EML5: variants seen among roughly 807,000 people sequenced by gnomAD.
The protein encoded by EML5 is echinoderm microtubule-associated protein-like 5.
In EML5, 120 loss-of-function variants were observed where a neutral mutation model predicts 250.0. The ratio of observed to expected loss-of-function variants is 0.48; its 90% confidence interval spans 0.41 to 0.56. The LOEUF is 0.56. Ranked by LOEUF, EML5 falls within the 20% of genes least tolerant of loss-of-function variation. The pLI is 0.00. For synonymous variants in EML5, 771 were observed against 806.5 expected (o/e 0.96, Z 0.75); for missense variants, 2,006 against 2,437.6 (o/e 0.82, Z 3.73).
At chr14:88,688,598 T>C (rs2092891003) in intron 17 of EML5, 125 bp from the exon 18 acceptor site, 10 of 945,086 alleles carry the variant, frequency 1.1e-5, no homozygotes, top group Non-Finnish European at 1.6e-5. Context: ...GTAAGGAGAA[T>C]TGAAAACTAC....
chr14:88,648,380 G>T lies in EML5; in HGVS notation c.4020-1425C>A, dbSNP rs139088230. On this transcript the variant is annotated intron_variant, in intron 28 of 43. Coordinates refer to ENST00000554922, the MANE Select transcript of EML5 (RefSeq NM_183387.3). The stretch of plus-strand genomic sequence containing the variant: ...AATTATTATATTTTTTTGAGACAGG[G>T]TCTTGCTCTGTCACCCAAGCTAGAG... Among the ~76,000 whole-genome samples the T allele has an allele frequency of 6.4e-3, 974 of 152,004 alleles. 13 individuals carry two copies. Among genetic ancestry groups the T allele is most frequent in the African/African-American group, 0.022 (925 of 41,468 alleles).
intron 1 of EML5, among the ~76,000 whole-genome samples, chr14:88,770,030 C>G (rs976761801): frequency 6.7e-6 from 1 of 149,586 alleles, no homozygotes; most frequent in African/African-American, 2.5e-5. Flanking sequence ...GTTTTTCAGT[C>G]ATTTAGGTTC....
chr14:88,711,838 G>C (rs1210342115), intron 10 of EML5, among the ~76,000 whole-genome samples: 2 of 151,982 alleles, frequency 1.3e-5, no homozygotes, highest in Non-Finnish European at 2.9e-5. Context: ...CCAGTTACCT[G>C]GGAAGCTGAG....
At chr14:88,625,293 AG>A (rs1374965748) in intron 35 of EML5, 166 bp from the exon 36 acceptor site, 6 of 706,386 alleles carry the variant, frequency 8.5e-6, no homozygotes, top group Non-Finnish European at 1.3e-5. Context: ...CCTGAACGGG[AG>A]GCTTAGCTTT....
intron 30 of EML5, 129 bp from the exon 31 acceptor site, chr14:88,643,151 CTT>C (rs2091163478): frequency 1.1e-6 from 1 of 905,194 alleles, no homozygotes; most frequent in South Asian, 2.4e-5. Context: ...GTTTTACAAA[CTT>C]AATATACAAA....
chr14:88,620,933 TTA>T lies in EML5; in HGVS notation c.5203-9_5203-8del. On this transcript the variant is annotated splice_region_variant and splice_polypyrimidine_tract_variant and intron_variant, in intron 38 of 43. Transcript: ENST00000554922. This position sits in a 1 kb window ranked among gnomAD's most constrained non-coding sequence, Gnocchi z 4.3. ...TCACTTTGTTTAACATCTTCTGCAT[TTA>T]AAAAAAAAAAAAAAAAGAGTCATAG... 3 of 1,429,304 alleles carry T rather than the reference TTA, an allele frequency of 2.1e-6. No homozygotes were observed. The highest frequency in any genetic ancestry group is 1.4e-5 in the South Asian group (1 of 69,792). 88.5% of individuals were successfully genotyped at this position (1,429,304 alleles called of 1,614,324 possible).
intron 14 of EML5, 73 bp downstream of exon 14, chr14:88,702,373 A>T (rs1234380888): frequency 8.7e-7 from 1 of 1,144,386 alleles, no homozygotes; most frequent in African/African-American, 1.6e-5. Flanking sequence ...CATAAAAGAG[A>T]TATGTGATTA....
chr14:88,713,106 C>T lies in EML5; in HGVS notation c.1445-623G>A, dbSNP rs376123912. The stretch of plus-strand genomic sequence containing the variant: ...GCGTCACAACAAATAAAGTACTATG[C>T]AGTGGCTGGGTGCAGTGGCTCACAC... On this transcript the variant is annotated intron_variant, in intron 9 of 43. Coordinates refer to ENST00000554922, the MANE Select transcript of EML5 (RefSeq NM_183387.3). Among the ~76,000 whole-genome samples, 211 of 152,188 alleles carry T rather than the reference C, an allele frequency of 1.4e-3. 1 individual carries two copies. Among genetic ancestry groups the T allele is most frequent in the African/African-American group, 4.9e-3 (204 of 41,548 alleles).
intron 4 of EML5, among the ~76,000 whole-genome samples, chr14:88,743,195 T>C (rs1325581460): frequency 1.3e-5 from 2 of 152,086 alleles, no homozygotes; most frequent in Non-Finnish European, 2.9e-5. Context: ...GAATAAGTTC[T>C]ACTACTCTAT....
intron 34 of EML5, 180 bp from the exon 35 acceptor site, chr14:88,627,226 C>G (rs1328398179): frequency 1.3e-5 from 8 of 616,232 alleles, no homozygotes; most frequent in Non-Finnish European, 2.0e-5. Flanking sequence ...GTCCTTTTCA[C>G]TTATCTTCGC....
rs1016849857 is a variant in EML5 at position 88,615,742 on chromosome 14, T to C, written c.*76A>G. Reference sequence around the variant, plus strand: ...GTCTTGGGTTAGCACCACTTGACCATGCAGGGTTGGGTTTTGGTTTTTCTT... The same window carrying C: ...GTCTTGGGTTAGCACCACTTGACCACGCAGGGTTGGGTTTTGGTTTTTCTT... On this transcript the variant is annotated 3_prime_UTR_variant, in exon 44 of 44. Coordinates refer to ENST00000554922, the MANE Select transcript of EML5 (RefSeq NM_183387.3). 7.0e-7 allele frequency: 1 copy of C among 1,426,190 alleles called. No homozygotes were observed. Among genetic ancestry groups the C allele is most frequent in the East Asian group, 2.4e-5 (1 of 42,538 alleles). 88.3% of individuals were successfully genotyped at this position (1,426,190 alleles called of 1,614,324 possible). A position where few individuals can be genotyped will look rare whatever the true frequency, so the allele number is the denominator to read the frequency against.
intron 29 of EML5, chr14:88,644,856 G>T: frequency 5.8e-6 from 1 of 172,256 alleles, no homozygotes; most frequent in Non-Finnish European, 1.2e-5. Flanking sequence ...GATTACAGGT[G>T]TGTGCCACCA....
chr14:88,644,719 TA>T (rs533726942), intron 29 of EML5: 39 of 457,644 alleles, frequency 8.5e-5, no homozygotes, highest in Non-Finnish European at 1.4e-4. Context: ...CATTTTATTT[TA>T]TTTTTTTTGA....
chr14:88,705,123 C>T, intron 12 of EML5, 145 bp from the exon 13 acceptor site: 1 of 605,256 alleles, frequency 1.7e-6, no homozygotes, highest in Admixed American at 3.2e-5. Context: ...ATGAAATTTA[C>T]TCCCTCGGAA....
At chr14:88,727,310 T>A (rs1367056265) in intron 7 of EML5, among the ~76,000 whole-genome samples, 1 of 152,072 alleles carries the variant, frequency 6.6e-6, no homozygotes, top group Admixed American at 6.6e-5. Context: ...TCACTGAAAT[T>A]TGTAATGAGC....
intron 6 of EML5, among the ~76,000 whole-genome samples, chr14:88,738,564 T>G (rs1397116978): frequency 1.3e-5 from 2 of 152,140 alleles, no homozygotes; most frequent in African/African-American, 4.8e-5. Flanking sequence ...AATAGTTATA[T>G]TTAGCATTCT....
intron 7 of EML5, among the ~76,000 whole-genome samples, chr14:88,736,162 A>G (rs2093837666): frequency 6.6e-6 from 1 of 151,812 alleles, no homozygotes; most frequent in African/African-American, 2.4e-5. Context: ...CACCATGCCC[A>G]GCTAATTTTT....
At chr14:88,774,306 G>T (rs1012534335) in intron 1 of EML5, among the ~76,000 whole-genome samples, 1 of 152,160 alleles carries the variant, frequency 6.6e-6, no homozygotes, top group African/African-American at 2.4e-5. Context: ...ACGATCCAGG[G>T]CTGCCAGCTA....
At chr14:88,776,166 A>G (rs2094445715) in intron 1 of EML5, among the ~76,000 whole-genome samples, 1 of 152,210 alleles carries the variant, frequency 6.6e-6, no homozygotes, top group Non-Finnish European at 1.5e-5. Flanking sequence ...AAGCTCAGAT[A>G]GTGAAGACAA....
Sources: allele counts gnomAD v4.1 joint callset (sites outside exome capture counted in the v4.1 genomes callset), GRCh38; gene constraint gnomAD v4.1.1; non-coding constraint Gnocchi (gnomAD v3.1); transcripts MANE v1.5; gene names NCBI Gene and HGNC (gene_info 2026-07-23, HGNC 2026-07-21).